The following CCDC62 variants were observed in gnomAD, a reference collection of about 807,000 sequenced individuals.
CCDC62 encodes the protein coiled-coil domain-containing protein 62.
In CCDC62, 72 loss-of-function variants were observed where a neutral mutation model predicts 80.8. The observed-to-expected ratio is 0.89, with a 90% CI of 0.74 to 1.08. The LOEUF is 1.08. Among genes scored for constraint, CCDC62 ranks in the 50% least tolerant of loss-of-function variants. CCDC62 has a pLI of 0.00. For missense variants in CCDC62, 704 were observed against 809.4 expected, an observed-to-expected ratio of 0.87 and a Z score of 1.58; for synonymous variants, 286 against 296.5, an observed-to-expected ratio of 0.96 and a Z score of 0.36.
rs768643588 is a variant in CCDC62 at position 122,806,245 on chromosome 12, T to G, written c.1801T>G (p.Ser601Ala). 1 of 1,613,788 alleles carries G rather than the reference T, an allele frequency of 6.2e-7. No homozygotes were observed. Among genetic ancestry groups the G allele is most frequent in the Non-Finnish European group, 8.5e-7 (1 of 1,179,834 alleles). ...GGAGTCCTCTTCCAATAAAAAGAACTCACCTACGAGTTTGTTAATCTACAA... is the reference window on the plus strand; with the variant it reads ...GGAGTCCTCTTCCAATAAAAAGAACGCACCTACGAGTTTGTTAATCTACAA... ...ETESSSNKKN[S>A]PTSLLIYKDA... is the part of the protein sequence containing the mutation. The change falls in exon 10 of 13, where the codon TCA (serine) becomes GCA (alanine). Residue 601 changes from serine to alanine, a missense_variant. Coordinates refer to ENST00000253079, the MANE Select transcript of CCDC62 (RefSeq NM_201435.5).
Position 122,785,714 on chromosome 12 carries a change from T to G in CCDC62, c.397-5T>G, listed in dbSNP as rs890927454. ...AGCAGTATCATCTGTGTTGTTTTCTTGTAGGCTAGAAACGAAACTCTCAGC... is the reference window on the plus strand; with the variant it reads ...AGCAGTATCATCTGTGTTGTTTTCTGGTAGGCTAGAAACGAAACTCTCAGC... On this transcript the variant is annotated splice_polypyrimidine_tract_variant and splice_region_variant and intron_variant, in intron 3 of 12. Transcript: ENST00000253079. 6.2e-7 allele frequency: 1 copy of G among 1,602,874 alleles called. No individual in the cohort carries two copies. Among genetic ancestry groups the G allele is most frequent in the African/African-American group, 1.3e-5 (1 of 74,588 alleles).
rs2032121563 is a variant in CCDC62 at position 122,815,444 on chromosome 12, G to GT, written c.2001+2025_2001+2026insT. Reference sequence around the variant, plus strand: ...AATTTTGATTACTTCCAACTTAACAGGTTTTTTTTTTTCTTTTTTGAGACG... The same window carrying GT: ...AATTTTGATTACTTCCAACTTAACAGTGTTTTTTTTTTTCTTTTTTGAGACG... On this transcript the variant is annotated intron_variant, in intron 11 of 12. Transcript: ENST00000253079. Among the ~76,000 whole-genome samples, 6 of 129,674 alleles carry GT rather than the reference G, an allele frequency of 4.6e-5. No homozygotes were observed. The South Asian group carries it at 1.6e-3, about 35-fold the overall frequency. 85.1% of individuals were successfully genotyped at this position (129,674 alleles called of 152,430 possible).
rs71440217 is a variant in CCDC62, at chr12:122,812,777, G to GAGAAAGAA, written c.1852-447_1852-440dup. Among the ~76,000 whole-genome samples, 574 of 57,588 alleles carry GAGAAAGAA rather than the reference G, an allele frequency of 1.0e-2. 31 individuals are homozygous for GAGAAAGAA. Among genetic ancestry groups the GAGAAAGAA allele is most frequent in the South Asian group, 0.04 (64 of 1,610 alleles). The allele number at this position is 57,588 out of a possible 152,430, so 37.8% of individuals were successfully genotyped here. On this transcript the variant is annotated intron_variant, in intron 10 of 12. Transcript: ENST00000253079. The stretch of plus-strand genomic sequence containing the variant: ...GGAGGGAGAGAGAGAGAGAGAGAGA[G>GAGAAAGAA]AGAAAGAAAGAAAGAAAGAAAGAAA...
intron 11 of CCDC62, among the ~76,000 whole-genome samples, chr12:122,822,263 G>T (rs575735888): frequency 1.3e-5 from 2 of 151,846 alleles, no homozygotes; most frequent in African/African-American, 4.8e-5. Context: ...GTGCCACCAC[G>T]CCCAGCTAAT....
rs1566086675 is a variant in CCDC62 at position 122,812,783 on chromosome 12, GAAAGAAAGAA to G, written c.1852-485_1852-476del. Among the ~76,000 whole-genome samples, 253 of 111,928 alleles carry G rather than the reference GAAAGAAAGAA, an allele frequency of 2.3e-3. 1 individual carries two copies. The highest frequency in any genetic ancestry group is 0.011 in the African/African-American group (241 of 22,872). The allele number at this position is 111,928 out of a possible 152,430, so 73.4% of individuals were successfully genotyped here. A position where few individuals can be genotyped will look rare whatever the true frequency, so the allele number is the denominator to read the frequency against. On this transcript the variant is annotated intron_variant, in intron 10 of 12. Coordinates refer to ENST00000253079, the MANE Select transcript of CCDC62 (RefSeq NM_201435.5). ...AGAGAGAGAGAGAGAGAGAGAGAAA[GAAAGAAAGAA>G]AGAAAGAAAGAAAGAAAGAAAGAAA...
intron 10 of CCDC62, among the ~76,000 whole-genome samples, chr12:122,808,711 G>A (rs956964418): frequency 1.3e-5 from 2 of 152,054 alleles, no homozygotes; most frequent in African/African-American, 4.8e-5. Context: ...ATTTGTTGTG[G>A]AGATGTGGTC....
At chr12:122,798,583 C>G in intron 8 of CCDC62, among the ~76,000 whole-genome samples, 1 of 148,104 alleles carries the variant, frequency 6.8e-6, no homozygotes, top group East Asian at 2.0e-4. Context: ...AGCCTGGTAA[C>G]AGAGCAAGAT....
In CCDC62 at chr12:122,792,026, T is replaced by A; in HGVS notation, c.677T>A (p.Leu226His). 2 of 1,612,266 alleles carry A rather than the reference T, an allele frequency of 1.2e-6. No homozygotes were observed. The highest frequency in any genetic ancestry group is 1.7e-6 in the Non-Finnish European group (2 of 1,178,408). The change falls in exon 6 of 13, where the codon CTC (leucine) becomes CAC (histidine). Residue 226 changes from leucine to histidine, a missense_variant. Leu to His is a moderately conservative substitution (Grantham distance 99). Transcript: ENST00000253079. ...KIEVNKLKEDLNEKTTENNEQ... is the reference protein window; with the variant it reads ...KIEVNKLKEDHNEKTTENNEQ... Reference sequence around the variant, plus strand: ...TTTTTCTTCTGTTGTGAAGAGGACCTCAATGAAAAGACGACAGAAAATAAT... The same window carrying A: ...TTTTTCTTCTGTTGTGAAGAGGACCACAATGAAAAGACGACAGAAAATAAT...
chr12:122,777,394 G>A, intron 1 of CCDC62, 97 bp from the exon 2 acceptor site: 1 of 968,764 alleles, frequency 1.0e-6, no homozygotes, highest in Non-Finnish European at 1.5e-6. Flanking sequence ...ACTTAGAATT[G>A]GCCGCAAAAG....
chr12:122,805,509 C>T (rs868669512), intron 9 of CCDC62, among the ~76,000 whole-genome samples: 4 of 49,516 alleles, frequency 8.1e-5, no homozygotes, highest in South Asian at 9.7e-4. Flanking sequence ...ACACCCAGCT[C>T]TTTTTTTTTT....
chr12:122,797,829 C>T (rs1162914821), intron 7 of CCDC62, among the ~76,000 whole-genome samples: 13 of 152,128 alleles, frequency 8.5e-5, no homozygotes, highest in Non-Finnish European at 1.6e-4. Flanking sequence ...CGTGAACCAG[C>T]GCACCCAGCC....
chr12:122,801,801 G>T lies in CCDC62; in HGVS notation c.1655G>T (p.Gly552Val). 6.2e-7 allele frequency: 1 copy of T among 1,614,088 alleles called. No homozygotes were observed. Among genetic ancestry groups the T allele is most frequent in the Non-Finnish European group, 8.5e-7 (1 of 1,180,014 alleles). Residue 552 changes from glycine (G) to valine (V), a missense_variant, in exon 9 of 13, where the codon GGG becomes GTG. Gly to Val is a moderately radical substitution (Grantham distance 109). Transcript: ENST00000253079. ...KMQRIVRLKS[G>V]CTCSESICGT... ...CAGAGAATTGTCCGCCTCAAATCTGGGTGCACCTGTTCAGAAAGCATCTGT... is the reference window on the plus strand; with the variant it reads ...CAGAGAATTGTCCGCCTCAAATCTGTGTGCACCTGTTCAGAAAGCATCTGT...
chr12:122,781,421 C>G, intron 3 of CCDC62, 91 bp downstream of exon 3: 4 of 1,258,560 alleles, frequency 3.2e-6, no homozygotes, highest in Non-Finnish European at 4.6e-6. Flanking sequence ...CACGGTGGCT[C>G]ACTCCTGTAA....
intron 1 of CCDC62, chr12:122,776,949 CCA>C (rs1264599501): frequency 6.5e-6 from 1 of 152,890 alleles, no homozygotes; most frequent in Non-Finnish European, 1.5e-5. Context: ...GCGCATGCCA[CCA>C]CACTGAGCTA....
chr12:122,812,105 A>G (rs1376336192), intron 10 of CCDC62, among the ~76,000 whole-genome samples: 1 of 152,104 alleles, frequency 6.6e-6, no homozygotes, highest in Non-Finnish European at 1.5e-5. Flanking sequence ...CATTAGCTGT[A>G]GTAAGTTCTG....
chr12:122,795,864 G>A (rs1297377054), intron 6 of CCDC62, among the ~76,000 whole-genome samples: 1 of 152,182 alleles, frequency 6.6e-6, no homozygotes, highest in Non-Finnish European at 1.5e-5. Context: ...TCTCCCAGGC[G>A]GTAAAAGGCA....
At chr12:122,794,938 T>A (rs577853338) in intron 6 of CCDC62, among the ~76,000 whole-genome samples, 5 of 152,188 alleles carry the variant, frequency 3.3e-5, no homozygotes, top group African/African-American at 1.2e-4. Context: ...CCCAAAGTAC[T>A]AAGATTATAG....
chr12:122,800,870 G>A (rs1364877241), intron 8 of CCDC62, among the ~76,000 whole-genome samples: 1 of 152,136 alleles, frequency 6.6e-6, no homozygotes, highest in African/African-American at 2.4e-5. Flanking sequence ...TTTATTAAAA[G>A]GTTTTGTCAC....
intron 1 of CCDC62, 93 bp from the exon 2 acceptor site, chr12:122,777,398 G>A (rs368712803): frequency 1.2e-4 from 130 of 1,056,140 alleles, no homozygotes; most frequent in African/African-American, 3.3e-4. Flanking sequence ...AGAATTGGCC[G>A]CAAAAGAAGA....
Sources: allele counts gnomAD v4.1 joint callset (sites outside exome capture counted in the v4.1 genomes callset), GRCh38; gene constraint gnomAD v4.1.1; transcripts MANE v1.5; gene names NCBI Gene and HGNC (gene_info 2026-07-23, HGNC 2026-07-21).